TRPA1: variants seen among roughly 807,000 people sequenced by gnomAD.
TRPA1 encodes ankyrin-like with transmembrane domains 1.
A neutral mutation model predicts 131.3 loss-of-function variants in TRPA1; 129 were observed. That is an observed-to-expected ratio of 0.98 (90% confidence interval 0.85 to 1.14). TRPA1 has a LOEUF of 1.14. TRPA1 is among the 50% of genes most tolerant of loss of function. TRPA1 has a pLI of 0.00. For missense variants in TRPA1, 1,304 were observed against 1,354.2 expected, an observed-to-expected ratio of 0.96 and a Z score of 0.58; for synonymous variants, 441 against 451.7, an observed-to-expected ratio of 0.98 and a Z score of 0.30.
In TRPA1 at chr8:72,029,964, A is replaced by C. The variant is rs774571817; in HGVS notation, c.2874T>G (p.Gly958=). The change falls in exon 24 of 27, where the codon GGT becomes GGG. Residue 958 remains glycine, a synonymous_variant. Coordinates refer to ENST00000262209, the MANE Select transcript of TRPA1 (RefSeq NM_007332.3). ...CCTCAGCAATGTCGCCAACTGCCAA[A>C]CCAATCTGAAGTATGACACAAAATT... ...VPIVLMNLLI[G]LAVGDIAEVQ... 1.1e-5 allele frequency: 17 copies of C among 1,613,854 alleles called. No homozygotes were observed. The highest frequency in any genetic ancestry group is 1.4e-5 in the Non-Finnish European group (17 of 1,179,738).
chr8:72,070,753 G>C (rs1806041896), intron 2 of TRPA1, among the ~76,000 whole-genome samples: 1 of 152,176 alleles, frequency 6.6e-6, no homozygotes, highest in South Asian at 2.1e-4. Flanking sequence ...GATCCCCTAA[G>C]GGATTTTCAC....
Position 72,074,511 on chromosome 8 carries a change from G to A in TRPA1, c.111+788C>T, listed in dbSNP as rs1806132628. 2.0e-5 allele frequency among the ~76,000 whole-genome samples: 3 copies of A among 152,096 alleles called. No homozygotes were observed. In the South Asian group the frequency reaches 6.2e-4, roughly 32 times the overall value. On this transcript the variant is annotated intron_variant, in intron 1 of 26. Transcript: ENST00000262209. ...GAAAGAGATTTGTGATGAGGGTTTG[G>A]AGAGACCTTTTTAATGATGTCTCAA...
intron 2 of TRPA1, among the ~76,000 whole-genome samples, chr8:72,070,434 A>G (rs1256531898): frequency 2.0e-5 from 3 of 152,340 alleles, no homozygotes; most frequent in African/African-American, 7.2e-5. Flanking sequence ...AAACTTAAAC[A>G]GGGATCTATA....
chr8:72,051,430 C>A (rs1277883880), intron 14 of TRPA1, among the ~76,000 whole-genome samples: 1 of 152,056 alleles, frequency 6.6e-6, no homozygotes, highest in Non-Finnish European at 1.5e-5. Flanking sequence ...GCTTACCATA[C>A]CAAGGAGGAA....
chr8:72,070,133 C>T (rs1018474199), intron 2 of TRPA1, among the ~76,000 whole-genome samples: 1 of 152,156 alleles, frequency 6.6e-6, no homozygotes, highest in Non-Finnish European at 1.5e-5. Context: ...GCTTTATAAG[C>T]CTTGTAAATT....
In TRPA1 at chr8:72,052,673, C is replaced by T; in HGVS notation, c.1737G>A (p.Gln579=). Residue 579 remains glutamine (Q), a synonymous_variant, in exon 14 of 27, where the codon CAG becomes CAA. Transcript: ENST00000262209. ...GTGCAAGGTGCAAAAAGGAGGCCTGCTGCTTGTTCAGGACTATGTCAGCAT... is the reference window on the plus strand; with the variant it reads ...GTGCAAGGTGCAAAAAGGAGGCCTGTTGCTTGTTCAGGACTATGTCAGCAT... ...SHNADIVLNK[Q]QASFLHLALH... is the part of the protein sequence containing the mutation. 8 of 1,613,834 alleles carry T rather than the reference C, an allele frequency of 5.0e-6. No individual in the cohort carries two copies. Among genetic ancestry groups the T allele is most frequent in the Non-Finnish European group, 6.8e-6 (8 of 1,179,866 alleles).
the TRPA1 span, among the ~76,000 whole-genome samples, chr8:72,083,578 C>CAAA: frequency 2.0e-4 from 26 of 127,826 alleles, no homozygotes; most frequent in African/African-American, 6.8e-4. Flanking sequence ...ACTAAAAATA[C>CAAA]AAAAAAAAAA....
At chr8:72,062,030 G>T (rs1805821559) in intron 6 of TRPA1, among the ~76,000 whole-genome samples, 1 of 152,164 alleles carries the variant, frequency 6.6e-6, no homozygotes, top group Non-Finnish European at 1.5e-5. Flanking sequence ...CTGTCTGGAT[G>T]CCATTCTTTT....
At position 72,023,863 on chromosome 8, in the gene TRPA1, G is replaced by T. The variant is rs754732774; in HGVS notation, c.3100C>A (p.Pro1034Thr). Residue 1034 changes from proline to threonine, a missense_variant, in exon 26 of 27, where the codon CCA (proline) becomes ACA (threonine). Transcript: ENST00000262209. ...FCTGEIRQEI[P>T]NADKSLEMEI... ...ATTTCTAAAGATTTATCAGCATTTG[G>T]TATTTCTTGTCTTATTTCCCCAGTG... 1 of 1,595,308 alleles carries T rather than the reference G, an allele frequency of 6.3e-7. No homozygotes were observed. The highest frequency in any genetic ancestry group is 8.6e-7 in the Non-Finnish European group (1 of 1,163,484).
chr8:72,075,462 C>A lies in TRPA1; in HGVS notation c.-53G>T, dbSNP rs1006743013. 1 of 1,461,924 alleles carries A rather than the reference C, an allele frequency of 6.8e-7. No homozygotes were observed. The highest frequency in any genetic ancestry group is 2.3e-5 in the East Asian group (1 of 44,238). 90.6% of individuals were successfully genotyped at this position (1,461,924 alleles called of 1,614,324 possible). A position where few individuals can be genotyped will look rare whatever the true frequency, so the allele number is the denominator to read the frequency against. On this transcript the variant is annotated 5_prime_UTR_variant, in exon 1 of 27. Coordinates refer to ENST00000262209, the MANE Select transcript of TRPA1 (RefSeq NM_007332.3). ...CAGCTGCTCACCACGCGCGCGGGCA[C>A]CTGGGGCGAGAGAGCGCTGTCAGCC...
rs1489577698 is a variant in TRPA1 at position 72,046,575 on chromosome 8, A to G, written c.1999T>C (p.Leu667=). Residue 667 remains leucine, a synonymous_variant, in exon 17 of 27, where the codon TTA becomes CTA. Coordinates refer to ENST00000262209, the MANE Select transcript of TRPA1 (RefSeq NM_007332.3). ...EYNFKYLQCP[L]EFTKKTPTQD... ...GTAGGTGTTTTTTTGGTGAATTCTA[A>G]TGGACATTGAAGATATTTGAAATTA... 1.3e-6 allele frequency: 2 copies of G among 1,598,152 alleles called. No homozygotes were observed. The highest frequency in any genetic ancestry group is 1.7e-5 in the Admixed American group (1 of 59,550).
chr8:72,023,156 C>A (rs1811457572), intron 26 of TRPA1, 40 bp from the exon 27 acceptor site: 2 of 1,576,732 alleles, frequency 1.3e-6, no homozygotes, highest in African/African-American at 1.4e-5. Flanking sequence ...ATTTTCAGTT[C>A]TTCTTTTAGC....
At chr8:72,054,007 A>T in intron 12 of TRPA1, 140 bp from the exon 13 acceptor site, 1 of 667,704 alleles carries the variant, frequency 1.5e-6, no homozygotes, top group Non-Finnish European at 2.7e-6. Context: ...TTTATAAAAC[A>T]TTTATAATAA....
chr8:72,033,107 G>T (rs576902027), intron 23 of TRPA1, among the ~76,000 whole-genome samples: 1 of 152,162 alleles, frequency 6.6e-6, no homozygotes, highest in African/African-American at 2.4e-5. Flanking sequence ...TCTGAACGTC[G>T]CAGATGCCCT....
In TRPA1 at chr8:72,075,489, G is replaced by T; in HGVS notation, c.-80C>A. 3 of 1,216,388 alleles carry T rather than the reference G, an allele frequency of 2.5e-6. No homozygotes were observed. The highest frequency in any genetic ancestry group is 3.6e-6 in the Non-Finnish European group (3 of 832,208). 75.3% of individuals were successfully genotyped at this position (1,216,388 alleles called of 1,614,324 possible). On this transcript the variant is annotated 5_prime_UTR_variant, in exon 1 of 27. Transcript: ENST00000262209. ...TGGGGCGAGAGAGCGCTGTCAGCCTGCCAGGCGCTGGGGTCCGCGCGAGCC... is the reference window on the plus strand; with the variant it reads ...TGGGGCGAGAGAGCGCTGTCAGCCTTCCAGGCGCTGGGGTCCGCGCGAGCC...
In TRPA1 at chr8:72,053,810, G is replaced by T; in HGVS notation, c.1587C>A (p.Thr529=). 6.2e-7 allele frequency: 1 copy of T among 1,612,518 alleles called. No homozygotes were observed. The highest frequency in any genetic ancestry group is 8.5e-7 in the Non-Finnish European group (1 of 1,179,846). Residue 529 remains threonine (T), a synonymous_variant, in exon 13 of 27, where the codon ACC becomes ACA. Coordinates refer to ENST00000262209, the MANE Select transcript of TRPA1 (RefSeq NM_007332.3). ...AATTAGTATCAAGAATGACCTTCAT[G>T]GTCTGAGTGTACCCGCCCATGGACG... ...HHASMGGYTQ[T]MKVILDTNLK...
At chr8:72,034,498 A>G in intron 21 of TRPA1, 121 bp from the exon 22 acceptor site, 1 of 565,852 alleles carries the variant, frequency 1.8e-6, no homozygotes, top group East Asian at 3.3e-5. Flanking sequence ...CACTGAGGCC[A>G]GTTATTTTGA....
chr8:72,062,973 C>A, intron 5 of TRPA1, 29 bp from the exon 6 acceptor site: 1 of 1,594,130 alleles, frequency 6.3e-7, no homozygotes, highest in Non-Finnish European at 8.6e-7. Flanking sequence ...TTCAACATAA[C>A]AAATATATAA....
intron 1 of TRPA1, among the ~76,000 whole-genome samples, chr8:72,073,045 C>A (rs538607822): frequency 6.6e-6 from 1 of 152,232 alleles, no homozygotes; most frequent in South Asian, 2.1e-4. Flanking sequence ...AATGTAGTTT[C>A]ATGTTGTCAC....
Sources: allele counts gnomAD v4.1 joint callset (sites outside exome capture counted in the v4.1 genomes callset), GRCh38; gene constraint gnomAD v4.1.1; transcripts MANE v1.5; gene names NCBI Gene and HGNC (gene_info 2026-07-23, HGNC 2026-07-21).